Variants in ADAMTSL3 observed in about 807,000 individuals in gnomAD.
The protein encoded by ADAMTSL3 is ADAMTS like 3.
Under a neutral mutation model 201.7 loss-of-function variants are expected in ADAMTSL3, and 128 were observed. The observed-to-expected ratio is 0.63, with a 90% CI of 0.55 to 0.73. ADAMTSL3 has a LOEUF of 0.73. Among genes scored for constraint, ADAMTSL3 ranks in the 30% least tolerant of loss-of-function variants. ADAMTSL3 has a pLI of 0.00. For synonymous variants in ADAMTSL3, 738 were observed against 748.4 expected, an observed-to-expected ratio of 0.99 and a Z score of 0.23; for missense variants, 1,990 against 2,119.6, an observed-to-expected ratio of 0.94 and a Z score of 1.20.
intron 6 of ADAMTSL3, among the ~76,000 whole-genome samples, chr15:83,821,175 A>AC (rs1001310866): frequency 2.7e-5 from 4 of 147,234 alleles, no homozygotes; most frequent in Non-Finnish European, 6.0e-5. Flanking sequence ...TCTGAAAAAT[A>AC]TTTTTTTTTT....
chr15:83,695,218 TGTGTGTGTA>T (rs2061667359), intron 2 of ADAMTSL3, among the ~76,000 whole-genome samples: 1 of 11,172 alleles, frequency 9.0e-5, no homozygotes, highest in African/African-American at 6.2e-4. Context: ...GGTGTGTGTG[TGTGTGTGTA>T]ATGTGTGTGT....
intron 20 of ADAMTSL3, among the ~76,000 whole-genome samples, chr15:83,978,777 A>G (rs1285562027): frequency 1.3e-5 from 2 of 152,226 alleles, no homozygotes; most frequent in East Asian, 3.9e-4. Flanking sequence ...AGTGTGAGCA[A>G]TGGCCAAAGC....
chr15:84,017,904 A>C (rs1254324088), intron 25 of ADAMTSL3, among the ~76,000 whole-genome samples: 1 of 152,214 alleles, frequency 6.6e-6, no homozygotes, highest in Non-Finnish European at 1.5e-5. Flanking sequence ...CATAATAAAA[A>C]GATGACCAAA....
intron 7 of ADAMTSL3, among the ~76,000 whole-genome samples, chr15:83,844,721 C>A (rs2064458843): frequency 1.3e-5 from 2 of 152,122 alleles, no homozygotes; most frequent in Non-Finnish European, 2.9e-5. Context: ...TAGTCCTTGC[C>A]TAGCTCTTTT....
chr15:84,032,813 A>G (rs577793778), intron 28 of ADAMTSL3, among the ~76,000 whole-genome samples: 112 of 152,336 alleles, frequency 7.4e-4, no homozygotes, highest in African/African-American at 2.6e-3. Flanking sequence ...ATCCTGGAAC[A>G]TATATCTTTG....
intron 4 of ADAMTSL3, among the ~76,000 whole-genome samples, chr15:83,798,761 C>T (rs1030815952): frequency 2.8e-5 from 4 of 142,204 alleles, no homozygotes; most frequent in African/African-American, 7.9e-5. Flanking sequence ...GAGCTGAGAT[C>T]GCGCCATTGC....
At chr15:83,778,871 C>T (rs1160294387) in intron 4 of ADAMTSL3, among the ~76,000 whole-genome samples, 5 of 152,132 alleles carry the variant, frequency 3.3e-5, no homozygotes, top group African/African-American at 1.2e-4. Context: ...CTTCAAGAGA[C>T]CCATCTCACA....
intron 23 of ADAMTSL3, among the ~76,000 whole-genome samples, chr15:84,012,516 G>A (rs1425426968): frequency 6.6e-6 from 1 of 152,086 alleles, no homozygotes; most frequent in African/African-American, 2.4e-5. Flanking sequence ...CTCCTCTTCT[G>A]CCTCATCTCT....
chr15:83,841,878 T>C lies in ADAMTSL3; in HGVS notation c.727+3663T>C, dbSNP rs533553549. Among the ~76,000 whole-genome samples the C allele has an allele frequency of 2.6e-5, 4 of 151,916 alleles. No homozygotes were observed. The South Asian group carries it at 8.3e-4, about 32-fold the overall frequency. On this transcript the variant is annotated intron_variant, in intron 7 of 29. Transcript: ENST00000286744. ...AGTCACACACACAAGTGACTGGATGTTGAGAGGAACACACTGGCAGAAGAA... is the reference window on the plus strand; with the variant it reads ...AGTCACACACACAAGTGACTGGATGCTGAGAGGAACACACTGGCAGAAGAA...
rs1025163516 is a variant in ADAMTSL3, at chr15:83,828,977, C to T, written c.600+8930C>T. ...ATCGATGTTCATCAGGGATATTGGT[C>T]TAAAATTCTCTTTTTTGGTTGTGTC... On this transcript the variant is annotated intron_variant, in intron 6 of 29. Transcript: ENST00000286744. Among the ~76,000 whole-genome samples, 5 of 150,250 alleles carry T rather than the reference C, an allele frequency of 3.3e-5. 1 individual carries two copies. The South Asian group carries it at 8.4e-4, about 25-fold the overall frequency.
At chr15:83,656,685 C>G (rs1251626530) in intron 2 of ADAMTSL3, among the ~76,000 whole-genome samples, 2 of 152,180 alleles carry the variant, frequency 1.3e-5, no homozygotes, top group African/African-American at 2.4e-5. Context: ...GCTGCTAGCT[C>G]CATACAGTGT....
intron 13 of ADAMTSL3, among the ~76,000 whole-genome samples, chr15:83,896,850 C>T (rs6603003): frequency 0.63 from 94,837 of 151,468 alleles, 30,736 homozygotes; most frequent in African/African-American, 0.79. Context: ...TCTGGGGAGG[C>T]CTCAGGAAAC....
Position 83,713,729 on chromosome 15 carries a change from A to G in ADAMTSL3, c.189+9221A>G, listed in dbSNP as rs149596674. Among the ~76,000 whole-genome samples, 36 of 152,376 alleles carry G rather than the reference A, an allele frequency of 2.4e-4. No individual in the cohort carries two copies. The East Asian group carries it at 6.7e-3, about 29-fold the overall frequency. On this transcript the variant is annotated intron_variant, in intron 3 of 29. Coordinates refer to ENST00000286744, the MANE Select transcript of ADAMTSL3 (RefSeq NM_207517.3). Reference sequence around the variant, plus strand: ...ATTTTGAAGGACCAGATGTAGAAGCAGTAATGGAATTTATTCCCTATCACA... The same window carrying G: ...ATTTTGAAGGACCAGATGTAGAAGCGGTAATGGAATTTATTCCCTATCACA...
At chr15:83,839,758 G>C (rs2064339912) in intron 7 of ADAMTSL3, among the ~76,000 whole-genome samples, 1 of 152,120 alleles carries the variant, frequency 6.6e-6, no homozygotes, top group Non-Finnish European at 1.5e-5. Context: ...AAAAGAAGCA[G>C]CTAGAATGGC....
At chr15:83,782,673 G>T (rs2063191155) in intron 4 of ADAMTSL3, among the ~76,000 whole-genome samples, 1 of 152,084 alleles carries the variant, frequency 6.6e-6, no homozygotes, top group Admixed American at 6.6e-5. Context: ...GCTAAACTAT[G>T]AGAACACATG....
At chr15:83,743,539 A>AT (rs994796619) in intron 3 of ADAMTSL3, among the ~76,000 whole-genome samples, 4 of 151,848 alleles carry the variant, frequency 2.6e-5, no homozygotes, top group South Asian at 2.1e-4. Context: ...AAAAAAAAAA[A>AT]AAAGTGTGCT....
chr15:83,935,353 G>A (rs1362812551), intron 17 of ADAMTSL3, among the ~76,000 whole-genome samples: 1 of 152,040 alleles, frequency 6.6e-6, no homozygotes, highest in African/African-American at 2.4e-5. Flanking sequence ...GCATTCACTT[G>A]TGATTCCTTT....
chr15:83,676,146 C>T (rs1478401381), intron 2 of ADAMTSL3, among the ~76,000 whole-genome samples: 1 of 150,030 alleles, frequency 6.7e-6, no homozygotes, highest in Admixed American at 6.7e-5. Context: ...CTTTTTTTCT[C>T]CCTCTGTTTT....
chr15:83,898,106 A>C, intron 14 of ADAMTSL3, 101 bp downstream of exon 14: 1 of 1,390,166 alleles, frequency 7.2e-7, no homozygotes, highest in Non-Finnish European at 9.7e-7. Flanking sequence ...TTCTTATAAA[A>C]ATTGTTTTAT....
Sources: allele counts gnomAD v4.1 joint callset (sites outside exome capture counted in the v4.1 genomes callset), GRCh38; gene constraint gnomAD v4.1.1; transcripts MANE v1.5; gene names NCBI Gene and HGNC (gene_info 2026-07-23, HGNC 2026-07-21).